Variants in IL17RD observed in about 807,000 individuals in gnomAD.
The protein encoded by IL17RD is interleukin-17 receptor D.
In IL17RD, 52 loss-of-function variants were observed where a neutral mutation model predicts 80.5. That is an observed-to-expected ratio of 0.65 (90% CI 0.52 to 0.81). IL17RD has a LOEUF of 0.81. IL17RD is among the 40% of genes least tolerant of loss of function. The pLI is 0.00. For synonymous variants in IL17RD, 416 were observed against 391.8 expected, an observed-to-expected ratio of 1.06 and a Z score of -0.73; for missense variants, 1,024 against 955.1, an observed-to-expected ratio of 1.07 and a Z score of -0.95.
chr3:57,141,675 AG>A (rs1345592321), intron 1 of IL17RD, among the ~76,000 whole-genome samples: 1 of 152,092 alleles, frequency 6.6e-6, no homozygotes, highest in South Asian at 2.1e-4. Context: ...CATTTCTGGG[AG>A]GAAAAAAAAA....
chr3:57,109,504 T>C (rs1707044433), intron 5 of IL17RD, 33 bp downstream of exon 5: 1 of 1,594,150 alleles, frequency 6.3e-7, no homozygotes, highest in South Asian at 1.1e-5. Flanking sequence ...AAAAGTCTTC[T>C]CATGGGAACC....
At chr3:57,163,809 T>TGG (rs2060325212) in intron 1 of IL17RD, among the ~76,000 whole-genome samples, 1 of 10,936 alleles carries the variant, frequency 9.1e-5, no homozygotes. Context: ...GGGAAGGGGG[T>TGG]GGCGGGGGCG....
chr3:57,134,405 A>G, intron 1 of IL17RD: 2 of 717,356 alleles, frequency 2.8e-6, no homozygotes, highest in Non-Finnish European at 5.1e-6. Flanking sequence ...CCCAAATGCC[A>G]GGGAACGTAA....
intron 5 of IL17RD, among the ~76,000 whole-genome samples, chr3:57,109,288 C>T (rs1439359656): frequency 6.6e-6 from 1 of 152,098 alleles, no homozygotes; most frequent in Non-Finnish European, 1.5e-5. Flanking sequence ...AGTGGGATTA[C>T]AGGCGCCTGC....
In IL17RD at chr3:57,127,303, TA is replaced by T. The variant is rs1196603095; in HGVS notation, c.127-6991del. On this transcript the variant is annotated intron_variant, in intron 1 of 12. Transcript: ENST00000296318. ...ATATATAAATATATATAAATATATA[TA>T]AAAATATATAAAAATATATATAAAT... 4.0e-4 allele frequency among the ~76,000 whole-genome samples: 35 copies of T among 87,546 alleles called. 1 individual carries two copies. Among genetic ancestry groups the T allele is most frequent in the African/African-American group, 1.2e-3 (20 of 16,318 alleles). 57.4% of individuals were successfully genotyped at this position (87,546 alleles called of 152,430 possible).
At chr3:57,099,450 T>C (rs1242035679) in intron 11 of IL17RD, among the ~76,000 whole-genome samples, 1 of 152,198 alleles carries the variant, frequency 6.6e-6, no homozygotes, top group Non-Finnish European at 1.5e-5. Flanking sequence ...TGTTGATGTC[T>C]TTCCTTCTGT....
rs552885110 is a variant in IL17RD, at chr3:57,105,674, A to G, written c.747+183T>C. ...CACCAGGACAGCTGGGTTACAGATA[A>G]CTAGGGAATGAAGGACAGTGGCAAG... On this transcript the variant is annotated intron_variant, in intron 7 of 12. Coordinates refer to ENST00000296318, the MANE Select transcript of IL17RD (RefSeq NM_017563.5). 6.6e-5 allele frequency among the ~76,000 whole-genome samples: 10 copies of G among 151,836 alleles called. No individual in the cohort carries two copies. In the South Asian group the frequency reaches 2.1e-3, roughly 32 times the overall value.
chr3:57,097,464 A>C (rs1560192667), intron 12 of IL17RD, 132 bp downstream of exon 12: 6 of 688,062 alleles, frequency 8.7e-6, no homozygotes, highest in Non-Finnish European at 1.5e-5. Flanking sequence ...CAAGACTACC[A>C]AACGAGCTGT....
At chr3:57,115,160 C>G (rs568002547) in intron 2 of IL17RD, among the ~76,000 whole-genome samples, 59 of 152,224 alleles carry the variant, frequency 3.9e-4, no homozygotes, top group African/African-American at 1.4e-3. Flanking sequence ...TCAATTCAAC[C>G]AATTTTCAGC....
At chr3:57,103,201 G>T in intron 8 of IL17RD, 56 bp from the exon 9 acceptor site, 1 of 1,439,504 alleles carries the variant, frequency 6.9e-7, no homozygotes, top group Non-Finnish European at 9.5e-7. Context: ...TACCAGGTAA[G>T]TGGAAAAAAA....
intron 2 of IL17RD, among the ~76,000 whole-genome samples, chr3:57,117,640 T>A (rs1461272072): frequency 2.0e-5 from 3 of 152,258 alleles, no homozygotes; most frequent in Non-Finnish European, 4.4e-5. Context: ...TAATTGTTTC[T>A]TAGTTATTTC....
At chr3:57,102,436 G>T in intron 10 of IL17RD, 43 bp downstream of exon 10, 1 of 1,145,212 alleles carries the variant, frequency 8.7e-7, no homozygotes, top group Non-Finnish European at 1.2e-6. Flanking sequence ...GCACCCCCTG[G>T]CCTGCCCCTT....
intron 1 of IL17RD, among the ~76,000 whole-genome samples, chr3:57,146,807 T>A (rs1406941994): frequency 1.4e-5 from 2 of 145,250 alleles, no homozygotes; most frequent in Non-Finnish European, 3.0e-5. Context: ...TTCGTGTGTG[T>A]GTGAGAGGTA....
At chr3:57,131,251 G>A (rs1014104227) in intron 1 of IL17RD, among the ~76,000 whole-genome samples, 1 of 151,934 alleles carries the variant, frequency 6.6e-6, no homozygotes, top group Non-Finnish European at 1.5e-5. Flanking sequence ...AATGTTGGGC[G>A]AGCAGCACTG....
At chr3:57,142,726 C>T (rs1707854815) in intron 1 of IL17RD, among the ~76,000 whole-genome samples, 1 of 151,978 alleles carries the variant, frequency 6.6e-6, no homozygotes, top group Non-Finnish European at 1.5e-5. Flanking sequence ...ACTTTGAAGG[C>T]CAAAAATTCT....
At chr3:57,105,432 G>A (rs188440368) in intron 7 of IL17RD, among the ~76,000 whole-genome samples, 1 of 150,378 alleles carries the variant, frequency 6.6e-6, no homozygotes, top group Admixed American at 6.6e-5. Flanking sequence ...AGCTACTCCA[G>A]AGGCTGAGGC....
At chr3:57,127,336 A>ATAT (rs1491422869) in intron 1 of IL17RD, among the ~76,000 whole-genome samples, 1,873 of 89,094 alleles carry the variant, frequency 0.021, 204 homozygotes, top group East Asian at 0.076. Flanking sequence ...AAATATATAT[A>ATAT]AAAATATATA....
At chr3:57,112,829 C>T (rs1707129166) in intron 3 of IL17RD, among the ~76,000 whole-genome samples, 1 of 152,210 alleles carries the variant, frequency 6.6e-6, no homozygotes, top group South Asian at 2.1e-4. Flanking sequence ...CTTTACTTCT[C>T]CCTTGGCCAG....
At chr3:57,164,088 A>C (rs2060327383) in intron 1 of IL17RD, among the ~76,000 whole-genome samples, 1 of 152,214 alleles carries the variant, frequency 6.6e-6, no homozygotes, top group African/African-American at 2.4e-5. Flanking sequence ...AGCAATACTA[A>C]GGAAATTCTC....
Sources: gnomAD v4.1 joint callset for allele counts (sites outside exome capture counted in the v4.1 genomes callset) on GRCh38, gnomAD v4.1.1 for gene constraint, MANE v1.5 for transcripts, NCBI Gene and HGNC (gene_info 2026-07-23, HGNC 2026-07-21) for gene names.